NPR2: variants seen among roughly 807,000 people sequenced by gnomAD.
NPR2 encodes the protein natriuretic peptide receptor 2.
In NPR2, 49 loss-of-function variants were observed where a neutral mutation model predicts 120.7. The observed-to-expected ratio is 0.41, with a 90% confidence interval of 0.32 to 0.52. The LOEUF (loss-of-function observed/expected upper bound fraction) is 0.52, where lower values mean the gene tolerates loss of function less well. NPR2 is among the 20% of genes least tolerant of loss of function. The pLI, the probability that NPR2 is intolerant of heterozygous loss-of-function variation, is 0.36. For missense variants in NPR2, 931 were observed against 1,362.9 expected (o/e 0.68, Z 4.99); for synonymous variants, 484 against 519.8 (o/e 0.93, Z 0.94).
Position 35,808,920 on chromosome 9 carries a change from T to C in NPR2, c.2986+67T>C. 8 of 1,081,762 alleles carry C rather than the reference T, an allele frequency of 7.4e-6. No homozygotes were observed. In the South Asian group the frequency reaches 1.0e-4, roughly 13 times the overall value. The allele number at this position is 1,081,762 out of a possible 1,614,324, so 67.0% of individuals were successfully genotyped here. A position where few individuals can be genotyped will look rare whatever the true frequency, so the allele number is the denominator to read the frequency against. ...TCTTGCCCTTTTCTTCTTTTCATAATCCCTCCAATTTCTTAATCTGAGAGA... is the reference window on the plus strand; with the variant it reads ...TCTTGCCCTTTTCTTCTTTTCATAACCCCTCCAATTTCTTAATCTGAGAGA... On this transcript the variant is annotated intron_variant, in intron 20 of 21. Transcript: ENST00000342694. The surrounding 1 kb of genome is among the most constrained non-coding windows in gnomAD (Gnocchi z 4.0).
chr9:35,796,677 C>T (rs1267402410), intron 2 of NPR2, among the ~76,000 whole-genome samples: 1 of 152,164 alleles, frequency 6.6e-6, no homozygotes, highest in Non-Finnish European at 1.5e-5. Flanking sequence ...GGAATCTTTG[C>T]TGCAACACAA....
At chr9:35,801,192 C>G in intron 7 of NPR2, 38 bp downstream of exon 7, 1 of 1,466,590 alleles carries the variant, frequency 6.8e-7, no homozygotes, top group South Asian at 1.1e-5. Flanking sequence ...CTCCCTGCCC[C>G]CATTGCCACA....
rs1393795657 is a variant in NPR2, at chr9:35,792,455, G to A, written c.47G>A (p.Gly16Glu). The change falls in exon 1 of 22, where the codon GGG becomes GAG. Residue 16 changes from glycine to glutamate, a missense_variant. Coordinates refer to ENST00000342694, the MANE Select transcript of NPR2 (RefSeq NM_003995.4). ...LLLLVAALAG[G>E]VRPPGARNLT... is the part of the protein sequence containing the mutation. ...CTGTTGGTGGCAGCCCTGGCAGGTG[G>A]GGTGCGTCCTCCCGGGGCGCGGAAC... The A allele has an allele frequency of 6.2e-7, 1 of 1,611,336 alleles. No individual in the cohort carries two copies. The highest frequency in any genetic ancestry group is 1.7e-5 in the Admixed American group (1 of 60,012).
intron 7 of NPR2, 69 bp downstream of exon 7, chr9:35,801,223 G>C: frequency 8.3e-7 from 1 of 1,204,440 alleles, no homozygotes; most frequent in Non-Finnish European, 1.2e-6. Context: ...CTGAAGCCAG[G>C]TGGTCCCTAT....
chr9:35,808,415 A>G lies in NPR2; in HGVS notation c.2713-94A>G. On this transcript the variant is annotated intron_variant, in intron 18 of 21. Transcript: ENST00000342694. This position sits in a 1 kb window ranked among gnomAD's most constrained non-coding sequence, Gnocchi z 4.0. ...ATATTCTGGTCTCCAGCATGTCAGG[A>G]TGATTAATGATGGTGTCAAGCTTGT... The G allele has an allele frequency of 7.0e-7, 1 of 1,437,260 alleles. No individual in the cohort carries two copies. The highest frequency in any genetic ancestry group is 9.8e-7 in the Non-Finnish European group (1 of 1,024,646). The allele number at this position is 1,437,260 out of a possible 1,614,324, so 89.0% of individuals were successfully genotyped here.
intron 12 of NPR2, among the ~76,000 whole-genome samples, chr9:35,804,758 C>T (rs1364110113): frequency 6.7e-6 from 1 of 149,500 alleles, no homozygotes; most frequent in East Asian, 2.0e-4. Context: ...CTCCTCTACC[C>T]CGACCTGCCC....
chr9:35,795,499 G>A (rs900251656), intron 2 of NPR2, among the ~76,000 whole-genome samples: 2 of 152,196 alleles, frequency 1.3e-5, no homozygotes, highest in East Asian at 1.9e-4. Flanking sequence ...TATAAGGGCT[G>A]GACCTGGGTG....
At chr9:35,801,025 C>T (rs1377909961) in intron 6 of NPR2, 45 bp from the exon 7 acceptor site, 1 of 1,573,782 alleles carries the variant, frequency 6.4e-7, no homozygotes, top group East Asian at 2.2e-5. Context: ...TCCATTCTGC[C>T]AAGTCCGCAC....
intron 2 of NPR2, 77 bp downstream of exon 2, chr9:35,794,180 G>T: frequency 7.3e-7 from 1 of 1,366,690 alleles, no homozygotes; most frequent in Non-Finnish European, 1.0e-6. Flanking sequence ...AGACCCTAAA[G>T]AAACCCTAGG....
In NPR2 at chr9:35,800,870, T is replaced by C. The variant is rs1181085347; in HGVS notation, c.1351+29T>C. 1.2e-6 allele frequency: 2 copies of C among 1,613,918 alleles called. No homozygotes were observed. Among genetic ancestry groups the C allele is most frequent in the Non-Finnish European group, 1.7e-6 (2 of 1,179,978 alleles). The stretch of plus-strand genomic sequence containing the variant: ...GGTGTGTGCAGGGACTGGGAGCAGC[T>C]TTCCTCCCTTTGCTTTCCATTCATG... On this transcript the variant is annotated intron_variant, in intron 6 of 21. Transcript: ENST00000342694. The surrounding 1 kb of genome is among the most constrained non-coding windows in gnomAD (Gnocchi z 4.7).
At chr9:35,799,857 G>T (rs1828078239) in intron 3 of NPR2, 126 bp downstream of exon 3, 1 of 1,387,558 alleles carries the variant, frequency 7.2e-7, no homozygotes, top group South Asian at 1.2e-5. Context: ...TTCTGTCCAG[G>T]ATTTTTCCTT....
In NPR2 at chr9:35,792,477, G is replaced by A; in HGVS notation, c.69G>A (p.Arg23=). ...LAGGVRPPGA[R]NLTLAVVLPE... is the part of the protein sequence containing the mutation. ...GTGGGGTGCGTCCTCCCGGGGCGCG[G>A]AACCTGACGCTGGCGGTGGTGCTGC... The change falls in exon 1 of 22, where the codon CGG becomes CGA. Residue 23 remains arginine, a synonymous_variant. Coordinates refer to ENST00000342694, the MANE Select transcript of NPR2 (RefSeq NM_003995.4). The A allele has an allele frequency of 1.9e-6, 3 of 1,610,870 alleles. No homozygotes were observed. Among genetic ancestry groups the A allele is most frequent in the Non-Finnish European group, 2.5e-6 (3 of 1,179,892 alleles).
chr9:35,793,116 G>A, intron 1 of NPR2, 41 bp downstream of exon 1: 1 of 1,540,456 alleles, frequency 6.5e-7, no homozygotes, highest in Non-Finnish European at 8.7e-7. Context: ...TGGGAGGAGG[G>A]TCGCTGTGTC....
Position 35,807,098 on chromosome 9 carries a change from T to C in NPR2, c.2595T>C (p.Ser865=). The C allele has an allele frequency of 2.5e-6, 4 of 1,606,292 alleles. No individual in the cohort carries two copies. The highest frequency in any genetic ancestry group is 3.4e-6 in the Non-Finnish European group (4 of 1,178,610). Residue 865 remains serine (S), a synonymous_variant, in exon 17 of 22, where the codon AGT becomes AGC. Transcript: ENST00000342694. ...EAFDSVTIYF[S]DIVGFTALSA... ...TTGACAGTGTTACCATCTACTTCAG[T>C]GACATTGTTGGCTTCACAGCATTGT...
chr9:35,793,789 G>A lies in NPR2; in HGVS notation c.668-109G>A, dbSNP rs182874520. On this transcript the variant is annotated intron_variant, in intron 1 of 21. Transcript: ENST00000342694. ...TCTGCTTTGGGGTTGATAGGTTAGG[G>A]CACTCTCTTTCTTGCTGAAGAGGGA... 23 of 1,104,108 alleles carry A rather than the reference G, an allele frequency of 2.1e-5. No homozygotes were observed. In the Admixed American group the frequency reaches 3.9e-4, roughly 19 times the overall value. 68.4% of individuals were successfully genotyped at this position (1,104,108 alleles called of 1,614,324 possible). A position where few individuals can be genotyped will look rare whatever the true frequency, so the allele number is the denominator to read the frequency against.
chr9:35,802,108 C>A lies in NPR2; in HGVS notation c.1633-98C>A. On this transcript the variant is annotated intron_variant, in intron 9 of 21. Coordinates refer to ENST00000342694, the MANE Select transcript of NPR2 (RefSeq NM_003995.4). The surrounding 1 kb of genome is among the most constrained non-coding windows in gnomAD (Gnocchi z 4.2). ...TCCCTCATACCCGACTCTCTGTGCC[C>A]AGCTGAGCTCCTGGGTGCTTCCACT... 1 of 1,320,018 alleles carries A rather than the reference C, an allele frequency of 7.6e-7. No individual in the cohort carries two copies. 81.8% of individuals were successfully genotyped at this position (1,320,018 alleles called of 1,614,324 possible). A position where few individuals can be genotyped will look rare whatever the true frequency, so the allele number is the denominator to read the frequency against.
In NPR2 at chr9:35,798,005, T is replaced by C. The variant is rs1827995756; in HGVS notation, c.874-1613T>C. ...CTTGCGTTTTCAAAATTTATCAGTT[T>C]TAATTTCTAAGATGGTCAATATTGA... On this transcript the variant is annotated intron_variant, in intron 2 of 21. Coordinates refer to ENST00000342694, the MANE Select transcript of NPR2 (RefSeq NM_003995.4). 2.6e-5 allele frequency among the ~76,000 whole-genome samples: 4 copies of C among 152,182 alleles called. No homozygotes were observed. In the South Asian group the frequency reaches 8.3e-4, roughly 31 times the overall value.
chr9:35,798,023 A>C (rs1285830760), intron 2 of NPR2, among the ~76,000 whole-genome samples: 1 of 152,184 alleles, frequency 6.6e-6, no homozygotes, highest in Non-Finnish European at 1.5e-5. Context: ...TAAGATGGTC[A>C]ATATTGATAG....
At position 35,800,399 on chromosome 9, in the gene NPR2, G is replaced by T; in HGVS notation, c.1134G>T (p.Gly378=). 6.2e-7 allele frequency: 1 copy of T among 1,613,978 alleles called. No individual in the cohort carries two copies. Among genetic ancestry groups the T allele is most frequent in the South Asian group, 1.1e-5 (1 of 91,074 alleles). The change falls in exon 5 of 22, where the codon GGG becomes GGT. Residue 378 remains glycine (G), a synonymous_variant. Transcript: ENST00000342694. The surrounding 1 kb of genome is among the most constrained non-coding windows in gnomAD (Gnocchi z 4.7). The part of the protein sequence containing the change: ...MQGRRYHGVT[G]LVVMDKNNDR... ...TCTTTTCTGTCTTAGGTGTAACTGG[G>T]CTGGTTGTCATGGACAAGAACAATG...
Sources: allele counts gnomAD v4.1 joint callset (sites outside exome capture counted in the v4.1 genomes callset), GRCh38; gene constraint gnomAD v4.1.1; non-coding constraint Gnocchi (gnomAD v3.1); transcripts MANE v1.5; gene names NCBI Gene and HGNC (gene_info 2026-07-23, HGNC 2026-07-21).